Variants in CSPG4 observed in about 807,000 individuals in gnomAD.
CSPG4 encodes the protein chondroitin sulfate proteoglycan 4 (melanoma-associated).
Under a neutral mutation model 139.3 loss-of-function variants are expected in CSPG4, and 74 were observed. The observed-to-expected ratio is 0.53, with a 90% CI of 0.44 to 0.64. The LOEUF (loss-of-function observed/expected upper bound fraction) is 0.64, where lower values mean the gene tolerates loss of function less well. Ranked by LOEUF, CSPG4 falls within the 30% of genes least tolerant of loss-of-function variation. The probability of loss-of-function intolerance (pLI) is 0.00; values close to 1 mark genes in which losing one functional copy is unlikely to be tolerated. For synonymous variants in CSPG4, 1,234 were observed against 1,394.2 expected (o/e 0.89, Z 2.56); for missense variants, 2,565 against 3,148.3 (o/e 0.81, Z 4.43).
intron 9 of CSPG4, 72 bp downstream of exon 9, chr15:75,677,631 C>T (rs574541867): frequency 2.0e-6 from 3 of 1,488,328 alleles, no homozygotes; most frequent in Non-Finnish European, 2.7e-6. Flanking sequence ...TGACCCTGGC[C>T]TCGTGTCCCC....
At chr15:75,684,935 C>T in intron 4 of CSPG4, 23 bp from the exon 5 acceptor site, 4 of 1,597,682 alleles carry the variant, frequency 2.5e-6, no homozygotes, top group Non-Finnish European at 3.4e-6. Flanking sequence ...CCAGGGCTGG[C>T]AGTCAGGCCC....
intron 1 of CSPG4, among the ~76,000 whole-genome samples, chr15:75,712,325 T>C (rs1464280947): frequency 2.0e-5 from 3 of 152,190 alleles, no homozygotes; most frequent in Non-Finnish European, 4.4e-5. Flanking sequence ...CACCCCAAAC[T>C]TGCCTGGCAA....
At chr15:75,709,532 T>C (rs1408055188) in intron 1 of CSPG4, among the ~76,000 whole-genome samples, 3 of 152,164 alleles carry the variant, frequency 2.0e-5, no homozygotes, top group Non-Finnish European at 4.4e-5. Context: ...CCCAGATCTT[T>C]AAGGTAGGGG....
chr15:75,706,798 T>C (rs1383237476), intron 1 of CSPG4, among the ~76,000 whole-genome samples: 1 of 152,116 alleles, frequency 6.6e-6, no homozygotes, highest in East Asian at 1.9e-4. Context: ...CAGGATCACC[T>C]TGACCAGGGA....
chr15:75,699,950 C>T (rs924051858), intron 1 of CSPG4, among the ~76,000 whole-genome samples: 2 of 152,164 alleles, frequency 1.3e-5, no homozygotes, highest in Admixed American at 6.5e-5. Context: ...CCTCAGTGGA[C>T]CCAGGCTGGG....
At chr15:75,707,586 C>G (rs879924710) in intron 1 of CSPG4, among the ~76,000 whole-genome samples, 1 of 152,204 alleles carries the variant, frequency 6.6e-6, no homozygotes, top group Non-Finnish European at 1.5e-5. Flanking sequence ...TGTGAGGAAG[C>G]TGGGACCACC....
At position 75,685,312 on chromosome 15, in the gene CSPG4, G is replaced by A. The variant is rs1231223567; in HGVS notation, c.4179C>T (p.Leu1393=). Residue 1393 remains leucine (L), a synonymous_variant, in exon 4 of 10, where the codon CTC becomes CTT. Transcript: ENST00000308508. The part of the protein sequence containing the change: ...SGPYFPTLLG[L]SLQVLEPPQH... ...GGGGTGGCTCCAGCACCTGCAGGCTGAGGCCCAGGAGAGTGGGGAAGTAGG... is the reference window on the plus strand; with the variant it reads ...GGGGTGGCTCCAGCACCTGCAGGCTAAGGCCCAGGAGAGTGGGGAAGTAGG... 1.3e-6 allele frequency: 2 copies of A among 1,595,900 alleles called. No homozygotes were observed. Among genetic ancestry groups the A allele is most frequent in the South Asian group, 1.1e-5 (1 of 89,632 alleles).
chr15:75,675,482 A>C lies in CSPG4; in HGVS notation c.*68T>G. 7.1e-7 allele frequency: 1 copy of C among 1,399,470 alleles called. No individual in the cohort carries two copies. Among genetic ancestry groups the C allele is most frequent in the Non-Finnish European group, 9.3e-7 (1 of 1,071,704 alleles). 86.7% of individuals were successfully genotyped at this position (1,399,470 alleles called of 1,614,324 possible). ...ATACTCAGACAGCACCAGGCATGGA[A>C]GCAATGGGGCCCGGGACATGGGCAA... On this transcript the variant is annotated 3_prime_UTR_variant, in exon 10 of 10. Coordinates refer to ENST00000308508, the MANE Select transcript of CSPG4 (RefSeq NM_001897.5).
intron 9 of CSPG4, 140 bp from the exon 10 acceptor site, chr15:75,677,524 C>G: frequency 1.6e-6 from 2 of 1,215,962 alleles, no homozygotes; most frequent in Non-Finnish European, 2.2e-6. Context: ...TCAGGGTTCC[C>G]AGGAGGATAA....
intron 2 of CSPG4, 24 bp from the exon 3 acceptor site, chr15:75,690,836 G>A: frequency 1.9e-6 from 3 of 1,585,346 alleles, no homozygotes; most frequent in South Asian, 1.1e-5. Flanking sequence ...GGGAGTGGGA[G>A]ATAGTGGACA....
intron 1 of CSPG4, among the ~76,000 whole-genome samples, chr15:75,701,496 C>T (rs1894300621): frequency 2.6e-5 from 4 of 152,168 alleles, no homozygotes; most frequent in Admixed American, 1.3e-4. Flanking sequence ...AGACTGAGAC[C>T]TCTCTTCCTG....
In CSPG4 at chr15:75,684,904, C is replaced by T. The variant is rs768220833; in HGVS notation, c.4281G>A (p.Glu1427=). The T allele has an allele frequency of 2.5e-6, 4 of 1,608,478 alleles. No individual in the cohort carries two copies. The South Asian group carries it at 4.4e-5, about 18-fold the overall frequency. ...LSAFSWRMVE[E]QLIRYVHDGS... is the part of the protein sequence containing the mutation. ...CGTCATGCACGTAGCGGATCAGCTG[C>T]TCTTCCACCTAGGGGCAGGCCCAGG... is the stretch of plus-strand genomic sequence containing the variant. The change falls in exon 5 of 10, where the codon GAG becomes GAA. Residue 1427 remains glutamate, a synonymous_variant. Coordinates refer to ENST00000308508, the MANE Select transcript of CSPG4 (RefSeq NM_001897.5).
chr15:75,705,165 T>C lies in CSPG4; in HGVS notation c.88+7503A>G, dbSNP rs1271406792. ...AGGCAGGGGCTGTCCCCACTTCTTC[T>C]AGCACTGAGAGAGGGGTGTGGGCCT... On this transcript the variant is annotated intron_variant, in intron 1 of 9. Coordinates refer to ENST00000308508, the MANE Select transcript of CSPG4 (RefSeq NM_001897.5). 2.0e-5 allele frequency among the ~76,000 whole-genome samples: 3 copies of C among 152,256 alleles called. No individual in the cohort carries two copies. The East Asian group carries it at 5.8e-4, about 29-fold the overall frequency.
In CSPG4 at chr15:75,689,675, G is replaced by A. The variant is rs747435423; in HGVS notation, c.1390C>T (p.Arg464Cys). The change falls in exon 3 of 10, where the codon CGC becomes TGC. Residue 464 changes from arginine to cysteine, a missense_variant. This residue lies in a region of CSPG4 where 2,316 missense variants were observed against 2,818.2 expected (regional missense o/e 0.82). Coordinates refer to ENST00000308508, the MANE Select transcript of CSPG4 (RefSeq NM_001897.5). ...PTLDLMEAELRKSQVLFSVTR... is the reference protein window; with the variant it reads ...PTLDLMEAELCKSQVLFSVTR... ...ACGCTGAACAGCACCTGGGATTTGC[G>A]CAGCTCAGCCTCCATCAGGTCCAGC... The A allele has an allele frequency of 8.7e-6, 14 of 1,612,766 alleles. No individual in the cohort carries two copies. The highest frequency in any genetic ancestry group is 2.7e-5 in the African/African-American group (2 of 74,940).
In CSPG4 at chr15:75,675,722, T is replaced by C; in HGVS notation, c.6797A>G (p.Asn2266Ser). 1 of 1,593,032 alleles carries C rather than the reference T, an allele frequency of 6.3e-7. No individual in the cohort carries two copies. The highest frequency in any genetic ancestry group is 8.6e-7 in the Non-Finnish European group (1 of 1,166,616). ...GGTCTCGGTGTCACCAGCCAGGCCG[T>C]TGCGGGGCTTGGCAGTCAGGACCTG... ...DVQVLTAKPR[N>S]GLAGDTETFR... is the part of the protein sequence containing the mutation. The change falls in exon 10 of 10, where the codon AAC becomes AGC. Residue 2266 changes from asparagine to serine, a missense_variant. Asn to Ser is a conservative substitution (Grantham distance 46). Around this residue, in one of 5 missense-constraint regions of CSPG4, gnomAD observed 2,316 missense variants for 2,818.2 expected, o/e 0.82. Coordinates refer to ENST00000308508, the MANE Select transcript of CSPG4 (RefSeq NM_001897.5).
upstream of CSPG4, chr15:75,712,914 C>A (rs34314667): frequency 1.7e-6 from 1 of 577,310 alleles, no homozygotes; most frequent in East Asian, 3.4e-5. Context: ...CGCGCGCCCG[C>A]TCGGGTTTCA....
At position 75,674,847 on chromosome 15, in the gene CSPG4, C is replaced by G. The variant is rs1022029823; in HGVS notation, c.*703G>C. On this transcript the variant is annotated 3_prime_UTR_variant, in exon 10 of 10. Transcript: ENST00000308508. ...AACTGGCTGCAGACCCTCCTCCATCCCACACCCCCAGGGGCTCCATCAGTC... is the reference window on the plus strand; with the variant it reads ...AACTGGCTGCAGACCCTCCTCCATCGCACACCCCCAGGGGCTCCATCAGTC... 5 of 398,528 alleles carry G rather than the reference C, an allele frequency of 1.3e-5. No homozygotes were observed. The highest frequency in any genetic ancestry group is 2.1e-5 in the African/African-American group (1 of 48,594). The allele number at this position is 398,528 out of a possible 1,614,324, so 24.7% of individuals were successfully genotyped here.
chr15:75,676,128 C>G lies in CSPG4; in HGVS notation c.6391G>C (p.Glu2131Gln). The G allele has an allele frequency of 6.5e-7, 1 of 1,541,588 alleles. No homozygotes were observed. Among genetic ancestry groups the G allele is most frequent in the African/African-American group, 1.4e-5 (1 of 73,354 alleles). The change falls in exon 10 of 10, where the codon GAG becomes CAG. Residue 2131 changes from glutamate (E) to glutamine (Q), a missense_variant. By Grantham distance (29) the Glu-to-Gln change is conservative. Coordinates refer to ENST00000308508, the MANE Select transcript of CSPG4 (RefSeq NM_001897.5). ...GRLGLEVGRP[E>Q]GRAPGPAGDS... ...CCTGCGGGGCCGGGGGCCCTCCCCT[C>G]TGGCCTGCCCACCTCCAGCCCCAGC...
At chr15:75,702,262 C>T (rs77840654) in intron 1 of CSPG4, among the ~76,000 whole-genome samples, 10 of 152,352 alleles carry the variant, frequency 6.6e-5, no homozygotes, top group African/African-American at 7.2e-5. Context: ...GCACTGACTC[C>T]GTGCACACCT....
Sources: allele counts gnomAD v4.1 joint callset (sites outside exome capture counted in the v4.1 genomes callset), GRCh38; gene constraint gnomAD v4.1.1; regional missense constraint gnomAD v4.1.1; transcripts MANE v1.5; gene names NCBI Gene and HGNC (gene_info 2026-07-23, HGNC 2026-07-21).